Variants in PTK2B observed in about 807,000 individuals in gnomAD.
PTK2B encodes protein-tyrosine kinase 2-beta.
In PTK2B, 71 loss-of-function variants were observed where a neutral mutation model predicts 142.9. The ratio of observed to expected loss-of-function variants is 0.50; its 90% CI spans 0.41 to 0.61. The LOEUF is 0.61. PTK2B is among the 20% of genes least tolerant of loss of function. PTK2B has a pLI of 0.00. For synonymous variants in PTK2B, 519 were observed against 503.4 expected (o/e 1.03, Z -0.42); for missense variants, 1,105 against 1,320.4 (o/e 0.84, Z 2.53).
At chr8:27,348,612 G>A (rs1804856467) in intron 1 of PTK2B, among the ~76,000 whole-genome samples, 1 of 152,294 alleles carries the variant, frequency 6.6e-6, no homozygotes, top group Middle Eastern at 3.4e-3. Context: ...GCTAGAGGAA[G>A]GTAATTGTCA....
chr8:27,431,024 C>T lies in PTK2B; in HGVS notation c.810+8C>T, dbSNP rs1476958003. 2 of 1,610,240 alleles carry T rather than the reference C, an allele frequency of 1.2e-6. No homozygotes were observed. Among genetic ancestry groups the T allele is most frequent in the Non-Finnish European group, 8.5e-7 (1 of 1,177,852 alleles). On this transcript the variant is annotated splice_region_variant and intron_variant, in intron 8 of 30. Coordinates refer to ENST00000346049, the MANE Select transcript of PTK2B (RefSeq NM_173176.3). ...TACCGCTGTGAACTCATTGTAATGG[C>T]GGGCTCTCTTGATCCTCTCCCTGAC...
intron 24 of PTK2B, 73 bp from the exon 25 acceptor site, chr8:27,450,676 A>G (rs1811746037): frequency 6.3e-7 from 1 of 1,575,890 alleles, no homozygotes; most frequent in Non-Finnish European, 8.7e-7. Context: ...GAGGTTCTTC[A>G]GAGGACTGTC....
intron 2 of PTK2B, among the ~76,000 whole-genome samples, chr8:27,406,253 A>C (rs1228514498): frequency 7.7e-6 from 1 of 130,696 alleles, no homozygotes; most frequent in African/African-American, 3.1e-5. Flanking sequence ...GAGTGATCTC[A>C]TCTTGAGATC....
chr8:27,313,684 C>G (rs1375796653), intron 3 of PTK2B, among the ~76,000 whole-genome samples: 1 of 152,170 alleles, frequency 6.6e-6, no homozygotes, highest in Non-Finnish European at 1.5e-5. Flanking sequence ...GCTTTCTTCC[C>G]TTTTCCAGTG....
chr8:27,323,757 A>G (rs1024292958), upstream of PTK2B, among the ~76,000 whole-genome samples: 3 of 152,172 alleles, frequency 2.0e-5, no homozygotes, highest in Non-Finnish European at 2.9e-5. Flanking sequence ...GAGTTTCTCA[A>G]TGTCTTTTTC....
At chr8:27,323,536 C>G (rs1803270637), upstream of PTK2B, 1 of 152,138 alleles carries the variant, frequency 6.6e-6, no homozygotes, top group African/African-American at 2.4e-5. Context: ...TGGGGTAGAT[C>G]ATTATTGCAA....
intron 2 of PTK2B, among the ~76,000 whole-genome samples, chr8:27,312,595 T>C (rs1174668617): frequency 1.3e-5 from 2 of 152,176 alleles, no homozygotes; most frequent in Non-Finnish European, 2.9e-5. Context: ...AACTTGTTAG[T>C]GTTGAAACTC....
In PTK2B at chr8:27,428,316, AGGCCAGGACCG is replaced by A. The variant is rs1810207062; in HGVS notation, c.552-1775_552-1765del. 2.0e-5 allele frequency among the ~76,000 whole-genome samples: 3 copies of A among 152,220 alleles called. No individual in the cohort carries two copies. In the South Asian group the frequency reaches 6.2e-4, roughly 32 times the overall value. Reference sequence around the variant, plus strand: ...CCTGCTCTGTGGCCAGCTTCCTAACAGGCCAGGACCGGTCCATGGTCCAGGGGTTGGGGACC... The same window carrying A: ...CCTGCTCTGTGGCCAGCTTCCTAACAGTCCATGGTCCAGGGGTTGGGGACC... On this transcript the variant is annotated intron_variant, in intron 5 of 30. Transcript: ENST00000346049.
intron 23 of PTK2B, among the ~76,000 whole-genome samples, chr8:27,444,927 G>A (rs1469640893): frequency 2.0e-5 from 3 of 152,102 alleles, no homozygotes; most frequent in Non-Finnish European, 4.4e-5. Flanking sequence ...GTGTCCCATG[G>A]TCCTATATTT....
chr8:27,385,889 T>C (rs539369717), intron 1 of PTK2B, among the ~76,000 whole-genome samples: 1 of 64,658 alleles, frequency 1.5e-5, no homozygotes, highest in Non-Finnish European at 3.0e-5. Context: ...TGAGATTCCG[T>C]CTCAAAAAAA....
At chr8:27,408,295 A>G (rs765409589) in intron 2 of PTK2B, among the ~76,000 whole-genome samples, 4 of 152,228 alleles carry the variant, frequency 2.6e-5, no homozygotes, top group Non-Finnish European at 5.9e-5. Context: ...TTGTTGGACT[A>G]TAGGTCATAA....
In PTK2B at chr8:27,453,225, G is replaced by A; in HGVS notation, c.2595+65G>A. 6 of 1,574,622 alleles carry A rather than the reference G, an allele frequency of 3.8e-6. No individual in the cohort carries two copies. In the South Asian group the frequency reaches 6.7e-5, roughly 18 times the overall value. Reference sequence around the variant, plus strand: ...GGGTTGCACAAAACTGAAGACCATGGTCTATGAAAGATTCACAGTTCTCAG... The same window carrying A: ...GGGTTGCACAAAACTGAAGACCATGATCTATGAAAGATTCACAGTTCTCAG... On this transcript the variant is annotated intron_variant, in intron 28 of 30. Coordinates refer to ENST00000346049, the MANE Select transcript of PTK2B (RefSeq NM_173176.3).
At chr8:27,310,831 C>G (rs116161348), upstream of PTK2B, 347 of 1,606,824 alleles carry the variant, frequency 2.2e-4, no homozygotes, top group African/African-American at 4.4e-3. Flanking sequence ...CCTTCACCGG[C>G]TGCACGCGGT....
intron 1 of PTK2B, among the ~76,000 whole-genome samples, chr8:27,371,587 A>C (rs2130932311): frequency 6.6e-6 from 1 of 151,570 alleles, no homozygotes; most frequent in Middle Eastern, 3.4e-3. Context: ...TCACTCTGTC[A>C]TCCAGGCTGG....
At chr8:27,321,835 AG>A (rs1390134609), upstream of PTK2B, among the ~76,000 whole-genome samples, 7 of 152,184 alleles carry the variant, frequency 4.6e-5, no homozygotes, top group African/African-American at 1.7e-4. Flanking sequence ...TTTTAGGTTG[AG>A]GGCATGATTT....
chr8:27,422,431 G>A, intron 5 of PTK2B, 48 bp downstream of exon 5: 1 of 1,489,794 alleles, frequency 6.7e-7, no homozygotes, highest in African/African-American at 1.4e-5. Flanking sequence ...GCTGAGCTCT[G>A]GGCAGGCCCG....
chr8:27,324,080 G>A (rs889137758), upstream of PTK2B, among the ~76,000 whole-genome samples: 3 of 152,136 alleles, frequency 2.0e-5, no homozygotes, highest in African/African-American at 7.2e-5. Flanking sequence ...GCAAGAATAC[G>A]GAGGGGACAC....
intron 1 of PTK2B, among the ~76,000 whole-genome samples, chr8:27,332,989 G>C (rs1279039324): frequency 6.6e-6 from 1 of 152,206 alleles, no homozygotes; most frequent in African/African-American, 2.4e-5. Context: ...GTTACTTAAA[G>C]GTAAATAATG....
At chr8:27,404,963 AG>A (rs1433426940) in intron 2 of PTK2B, among the ~76,000 whole-genome samples, 2 of 150,120 alleles carry the variant, frequency 1.3e-5, no homozygotes, top group Non-Finnish European at 3.0e-5. Flanking sequence ...TAATGGGATT[AG>A]TGTCCTTATA....
Sources: allele counts gnomAD v4.1 joint callset (sites outside exome capture counted in the v4.1 genomes callset), GRCh38; gene constraint gnomAD v4.1.1; transcripts MANE v1.5; gene names NCBI Gene and HGNC (gene_info 2026-07-23, HGNC 2026-07-21).